The following EFHD1 variants were observed in gnomAD, a reference collection of about 807,000 sequenced individuals.
EFHD1 encodes EF-hand domain-containing protein D1.
EFHD1 carries 10 observed loss-of-function variants against 17.2 expected under a neutral mutation model. The observed-to-expected ratio is 0.58, with a 90% CI of 0.36 to 0.99. EFHD1 has a LOEUF of 0.99. EFHD1 is among the 50% of genes least tolerant of loss of function. EFHD1 has a pLI of 0.01. For synonymous variants in EFHD1, 153 were observed against 142.0 expected (o/e 1.08, Z -0.55); for missense variants, 310 against 327.5 (o/e 0.95, Z 0.41).
At chr2:232,631,125 G>C (rs1025010022), upstream of EFHD1, among the ~76,000 whole-genome samples, 5 of 152,078 alleles carry the variant, frequency 3.3e-5, no homozygotes, top group Non-Finnish European at 7.4e-5. Context: ...TACTTGGGAG[G>C]CTGAGGCAGG....
chr2:232,659,642 A>G (rs1044883116), intron 1 of EFHD1, among the ~76,000 whole-genome samples: 9 of 152,190 alleles, frequency 5.9e-5, no homozygotes, highest in African/African-American at 2.2e-4. Context: ...GTTCTCAATA[A>G]TGGTGGGTTT....
intron 1 of EFHD1, among the ~76,000 whole-genome samples, chr2:232,656,066 A>G (rs1033481503): frequency 6.6e-6 from 1 of 151,442 alleles, no homozygotes; most frequent in South Asian, 2.1e-4. Flanking sequence ...TCGGCCTCCC[A>G]AAGTGCTGGG....
intron 1 of EFHD1, among the ~76,000 whole-genome samples, chr2:232,619,200 CAAACAAAT>C (rs1693979391): frequency 7.0e-6 from 1 of 142,166 alleles, no homozygotes; most frequent in African/African-American, 2.6e-5. Flanking sequence ...AACAAACAAA[CAAACAAAT>C]AAGAATTAAC....
At chr2:232,610,551 CAG>C (rs150950301) in intron 1 of EFHD1, among the ~76,000 whole-genome samples, 5,874 of 152,168 alleles carry the variant, frequency 0.039, 131 homozygotes, top group South Asian at 0.082. Flanking sequence ...GCCTGGGCGA[CAG>C]AGTGAGACTC....
At chr2:232,653,990 T>G (rs1694705242) in intron 1 of EFHD1, among the ~76,000 whole-genome samples, 1 of 152,092 alleles carries the variant, frequency 6.6e-6, no homozygotes, top group Non-Finnish European at 1.5e-5. Context: ...GCAGATCACC[T>G]GAGGTCAGGA....
At chr2:232,673,277 T>C (rs765345038) in intron 3 of EFHD1, among the ~76,000 whole-genome samples, 3 of 152,168 alleles carry the variant, frequency 2.0e-5, no homozygotes, top group Non-Finnish European at 2.9e-5. Flanking sequence ...CCATTGAGTA[T>C]ATAACATGCA....
intron 1 of EFHD1, among the ~76,000 whole-genome samples, chr2:232,640,987 G>A (rs1694421206): frequency 6.6e-6 from 1 of 152,180 alleles, no homozygotes. Flanking sequence ...GAGGGCTCAA[G>A]GAAAGGAAGC....
At chr2:232,653,468 T>A (rs1326121706) in intron 1 of EFHD1, among the ~76,000 whole-genome samples, 2 of 151,980 alleles carry the variant, frequency 1.3e-5, no homozygotes, top group Non-Finnish European at 2.9e-5. Flanking sequence ...TTTTTGTATT[T>A]TTCGTAGAGA....
chr2:232,610,215 C>T (rs1291196726), intron 1 of EFHD1, among the ~76,000 whole-genome samples: 1 of 152,174 alleles, frequency 6.6e-6, no homozygotes, highest in Non-Finnish European at 1.5e-5. Context: ...AGGCTGAGGC[C>T]CCAGGCCCAC....
intron 2 of EFHD1, among the ~76,000 whole-genome samples, chr2:232,665,290 A>G (rs1018503838): frequency 6.6e-6 from 1 of 152,230 alleles, no homozygotes; most frequent in African/African-American, 2.4e-5. Flanking sequence ...TTTAGGGGCA[A>G]TGTCTCAAGA....
intron 1 of EFHD1, chr2:232,611,505 C>T (rs928814569): frequency 2.6e-5 from 4 of 152,184 alleles, no homozygotes; most frequent in Admixed American, 6.6e-5. Flanking sequence ...TCAGAGGACT[C>T]GACAGGGATG....
intron 3 of EFHD1, among the ~76,000 whole-genome samples, chr2:232,680,057 G>C (rs1262940791): frequency 6.6e-6 from 1 of 152,130 alleles, no homozygotes; most frequent in Non-Finnish European, 1.5e-5. Context: ...TGAATTGCTT[G>C]AGTTTAGGAG....
chr2:232,645,774 C>T (rs1329027699), intron 1 of EFHD1, among the ~76,000 whole-genome samples: 3 of 152,152 alleles, frequency 2.0e-5, no homozygotes, highest in Non-Finnish European at 4.4e-5. Flanking sequence ...GATATCAGAC[C>T]CCATTTCACA....
chr2:232,644,085 C>T lies in EFHD1; in HGVS notation c.302+10079C>T, dbSNP rs143378286. Reference sequence around the variant, plus strand: ...GAGTGGGCTGTCTGTGTCGACCGCTCCCAGGCCAGCTTTCAGGGAACCCCT... The same window carrying T: ...GAGTGGGCTGTCTGTGTCGACCGCTTCCAGGCCAGCTTTCAGGGAACCCCT... On this transcript the variant is annotated intron_variant, in intron 1 of 3. Coordinates refer to ENST00000264059, the MANE Select transcript of EFHD1 (RefSeq NM_025202.4). Among the ~76,000 whole-genome samples the T allele has an allele frequency of 2.1e-3, 313 of 152,246 alleles. 3 individuals are homozygous for T. The highest frequency in any genetic ancestry group is 7.2e-3 in the African/African-American group (298 of 41,552).
chr2:232,658,123 G>C (rs1323215623), intron 1 of EFHD1, among the ~76,000 whole-genome samples: 1 of 151,514 alleles, frequency 6.6e-6, no homozygotes, highest in Admixed American at 6.6e-5. Flanking sequence ...GGCTGGTCTC[G>C]AACTCCTGAC....
chr2:232,620,131 G>A (rs536601938), intron 1 of EFHD1, among the ~76,000 whole-genome samples: 1 of 151,292 alleles, frequency 6.6e-6, no homozygotes, highest in African/African-American at 2.4e-5. Context: ...GCTCACGCCT[G>A]TAATCCTAGC....
chr2:232,652,410 C>T (rs1306741512), intron 1 of EFHD1, among the ~76,000 whole-genome samples: 1 of 152,140 alleles, frequency 6.6e-6, no homozygotes, highest in Non-Finnish European at 1.5e-5. Context: ...TTCACGGGTA[C>T]ATCGTTCCTA....
intron 1 of EFHD1, among the ~76,000 whole-genome samples, chr2:232,628,599 G>T (rs531903144): frequency 6.6e-6 from 1 of 152,112 alleles, no homozygotes; most frequent in Admixed American, 6.6e-5. Flanking sequence ...TCAGAGGCCC[G>T]TACTGACCTA....
At chr2:232,670,356 A>C (rs1695044031) in intron 2 of EFHD1, among the ~76,000 whole-genome samples, 1 of 152,024 alleles carries the variant, frequency 6.6e-6, no homozygotes, top group African/African-American at 2.4e-5. Flanking sequence ...CGGGAGGATC[A>C]CTTGAACCCG....
Sources: gnomAD v4.1 joint callset for allele counts (sites outside exome capture counted in the v4.1 genomes callset) on GRCh38, gnomAD v4.1.1 for gene constraint, MANE v1.5 for transcripts, NCBI Gene and HGNC (gene_info 2026-07-23, HGNC 2026-07-21) for gene names.